AFF3: variants seen among roughly 807,000 people sequenced by gnomAD.
The protein encoded by AFF3 is AF4/FMR2 family member 3.
A neutral mutation model predicts 129.7 loss-of-function variants in AFF3; 32 were observed. That is an observed-to-expected ratio of 0.25 (90% CI 0.19 to 0.33). AFF3 has a LOEUF of 0.33. AFF3 is among the 10% of genes least tolerant of loss of function. AFF3 has a pLI of 1.00. For missense variants in AFF3, 1,373 were observed against 1,592.0 expected (o/e 0.86, Z 2.34); for synonymous variants, 644 against 635.4 (o/e 1.01, Z -0.20).
At chr2:99,591,480 C>G (rs1229239289) in intron 15 of AFF3, among the ~76,000 whole-genome samples, 1 of 152,192 alleles carries the variant, frequency 6.6e-6, no homozygotes, top group Non-Finnish European at 1.5e-5. Flanking sequence ...AGCCACCGTA[C>G]CCGGTCTGGT....
chr2:100,054,454 G>A (rs1231288078), intron 4 of AFF3, among the ~76,000 whole-genome samples: 1 of 152,142 alleles, frequency 6.6e-6, no homozygotes, highest in African/African-American at 2.4e-5. Context: ...TAGATATAAG[G>A]GGGAATCTCT....
chr2:99,667,093 T>TA (rs1686739644), intron 12 of AFF3, among the ~76,000 whole-genome samples: 1 of 152,182 alleles, frequency 6.6e-6, no homozygotes, highest in African/African-American at 2.4e-5. Context: ...ACACATTCTT[T>TA]TAAGTGCCTA....
chr2:100,123,873 C>A lies in AFF3; in HGVS notation c.-145+5351G>T, dbSNP rs573345149. ...ACCAGGCACATAAAGAGAATGGCAG[C>A]ATGAAAGAAGAAGAAACAAGAATGC... On this transcript the variant is annotated intron_variant, in intron 2 of 24. Transcript: ENST00000672756. Among the ~76,000 whole-genome samples the A allele has an allele frequency of 5.1e-4, 77 of 152,074 alleles. 1 individual carries two copies. Among genetic ancestry groups the A allele is most frequent in the East Asian group, 2.5e-3 (13 of 5,168 alleles).
chr2:100,086,242 G>C (rs1689420433), intron 4 of AFF3, among the ~76,000 whole-genome samples: 1 of 152,206 alleles, frequency 6.6e-6, no homozygotes, highest in African/African-American at 2.4e-5. Context: ...CCCATATCTG[G>C]CTGGGCGCCA....
chr2:100,021,160 C>T (rs956048054), intron 4 of AFF3, among the ~76,000 whole-genome samples: 10 of 152,142 alleles, frequency 6.6e-5, no homozygotes, highest in African/African-American at 2.4e-4. Flanking sequence ...ATAAGTCGTA[C>T]GTAGAACCCT....
intron 12 of AFF3, among the ~76,000 whole-genome samples, chr2:99,669,283 T>C (rs1686949005): frequency 6.6e-6 from 1 of 152,198 alleles, no homozygotes; most frequent in South Asian, 2.1e-4. Context: ...GAGCACACTA[T>C]TCTACTCCCC....
chr2:99,627,089 T>C (rs1682655412), intron 13 of AFF3, among the ~76,000 whole-genome samples: 1 of 152,226 alleles, frequency 6.6e-6, no homozygotes, highest in Non-Finnish European at 1.5e-5. Context: ...CCTTTGGGTA[T>C]ATATCCAGTA....
rs1458094329 is a variant in AFF3, at chr2:99,874,033, C to T, written c.874-36509G>A. Among the ~76,000 whole-genome samples the T allele has an allele frequency of 3.3e-5, 5 of 151,996 alleles. No individual in the cohort carries two copies. In the South Asian group the frequency reaches 6.2e-4, roughly 19 times the overall value. ...ACTAAAAATAGAAAAAAAAATTAGC[C>T]GGGCGTGGTGGTGGACGCCTGCAGT... On this transcript the variant is annotated intron_variant, in intron 7 of 24. Coordinates refer to ENST00000672756, the MANE Select transcript of AFF3 (RefSeq NM_001386135.1).
At chr2:99,977,568 A>G (rs562719944) in intron 7 of AFF3, among the ~76,000 whole-genome samples, 1 of 152,354 alleles carries the variant, frequency 6.6e-6, no homozygotes, top group South Asian at 2.1e-4. Context: ...GAAAGCTAAT[A>G]GCCCAGCTCT....
intron 7 of AFF3, among the ~76,000 whole-genome samples, chr2:99,888,168 A>C (rs186149499): frequency 6.6e-6 from 1 of 152,366 alleles, no homozygotes; most frequent in Non-Finnish European, 1.5e-5. Context: ...AAATACTTGG[A>C]TGGAAAGGCA....
intron 11 of AFF3, among the ~76,000 whole-genome samples, chr2:99,676,648 T>C (rs7560182): frequency 0.54 from 82,669 of 152,104 alleles, 22,592 homozygotes; most frequent in East Asian, 0.66. Flanking sequence ...AAGAAACTCA[T>C]GTGGATAAAC....
chr2:99,998,001 T>A (rs1681010805), intron 7 of AFF3, among the ~76,000 whole-genome samples: 1 of 151,636 alleles, frequency 6.6e-6, no homozygotes, highest in African/African-American at 2.4e-5. Context: ...TTCCTCTCTC[T>A]GTACCACTTA....
At chr2:100,055,304 CCTCT>C (rs2105177636) in intron 4 of AFF3, among the ~76,000 whole-genome samples, 1 of 152,046 alleles carries the variant, frequency 6.6e-6, no homozygotes, top group East Asian at 1.9e-4. Context: ...TCCACCTCTC[CCTCT>C]GTGTCATCCA....
At chr2:99,931,857 C>T (rs1331295742) in intron 7 of AFF3, among the ~76,000 whole-genome samples, 3 of 152,198 alleles carry the variant, frequency 2.0e-5, no homozygotes, top group Middle Eastern at 3.4e-3. Flanking sequence ...TGCAGTGAGC[C>T]GAAATGGTGC....
intron 2 of AFF3, among the ~76,000 whole-genome samples, chr2:100,123,082 T>A (rs1199951035): frequency 6.6e-6 from 1 of 152,222 alleles, no homozygotes; most frequent in East Asian, 1.9e-4. Flanking sequence ...GAAGTAGCCA[T>A]GACCTTCAGA....
At chr2:99,665,671 T>C (rs539411176) in intron 12 of AFF3, among the ~76,000 whole-genome samples, 13 of 152,162 alleles carry the variant, frequency 8.5e-5, no homozygotes, top group Non-Finnish European at 1.9e-4. Context: ...AAATTGTCAG[T>C]ATATAAAAAT....
chr2:99,819,448 AG>A (rs912890059), intron 8 of AFF3, among the ~76,000 whole-genome samples: 13 of 152,244 alleles, frequency 8.5e-5, no homozygotes, highest in Admixed American at 8.5e-4. Flanking sequence ...GGAAATATTC[AG>A]TTATTTTAAC....
intron 7 of AFF3, among the ~76,000 whole-genome samples, chr2:99,931,262 C>A (rs1282639514): frequency 6.6e-6 from 1 of 152,188 alleles, no homozygotes; most frequent in Non-Finnish European, 1.5e-5. Context: ...TGAGCTCAAG[C>A]CACTCCCTGG....
intron 22 of AFF3, among the ~76,000 whole-genome samples, chr2:99,558,499 A>T (rs970099363): frequency 6.6e-6 from 1 of 152,140 alleles, no homozygotes; most frequent in Non-Finnish European, 1.5e-5. Flanking sequence ...GTGCGCCTGT[A>T]ATCTGAGCTA....
Sources: allele counts gnomAD v4.1 joint callset (sites outside exome capture counted in the v4.1 genomes callset), GRCh38; gene constraint gnomAD v4.1.1; transcripts MANE v1.5; gene names NCBI Gene and HGNC (gene_info 2026-07-23, HGNC 2026-07-21).